CSMD2: variants seen among roughly 807,000 people sequenced by gnomAD.
CSMD2 encodes CUB and sushi domain-containing protein 2.
Under a neutral mutation model 398.5 loss-of-function variants are expected in CSMD2, and 130 were observed. That is an observed-to-expected ratio of 0.33 (90% CI 0.28 to 0.38). The LOEUF (loss-of-function observed/expected upper bound fraction) is 0.38. Ranked by LOEUF, CSMD2 falls within the 10% of genes least tolerant of loss-of-function variation. The probability of loss-of-function intolerance (pLI) is 1.00; values close to 1 mark genes in which losing one functional copy is unlikely to be tolerated. For missense variants in CSMD2, 3,829 were observed against 4,764.9 expected (o/e 0.80, Z 5.78); for synonymous variants, 1,828 against 1,908.5 (o/e 0.96, Z 1.10).
At chr1:33,903,623 CCTA>C (rs1360402907) in intron 5 of CSMD2, among the ~76,000 whole-genome samples, 2 of 152,152 alleles carry the variant, frequency 1.3e-5, no homozygotes, top group African/African-American at 4.8e-5. Context: ...ACCTTGGATA[CCTA>C]CTAAGTGCCA....
At chr1:33,700,747 A>G in intron 22 of CSMD2, 74 bp from the exon 23 acceptor site, 1 of 1,469,656 alleles carries the variant, frequency 6.8e-7, no homozygotes, top group Admixed American at 1.7e-5. Context: ...CTTACCCCAC[A>G]ACCCACACTC....
chr1:33,999,777 T>C (rs1309416079), intron 3 of CSMD2, among the ~76,000 whole-genome samples: 1 of 152,076 alleles, frequency 6.6e-6, no homozygotes, highest in African/African-American at 2.4e-5. Flanking sequence ...TGAGGATAAC[T>C]GGACATACAC....
At position 33,918,102 on chromosome 1, in the gene CSMD2, G is replaced by A; in HGVS notation, c.912C>T (p.Ser304=). 1 of 1,613,618 alleles carries A rather than the reference G, an allele frequency of 6.2e-7. No individual in the cohort carries two copies. The highest frequency in any genetic ancestry group is 8.5e-7 in the Non-Finnish European group (1 of 1,179,888). ...DFLEVTGTEG[S]SLWFTGASLP... ...GGTGATGTTGTGCTTACCAGAGGGA[G>A]GAGCCTTCTGTCCCAGTGACTTCCA... Residue 304 remains serine (S), a synonymous_variant, in exon 5 of 71, where the codon TCC becomes TCT. Coordinates refer to ENST00000373381, the MANE Select transcript of CSMD2 (RefSeq NM_001281956.2).
In CSMD2 at chr1:33,911,558, T is replaced by C. The variant is rs369821870; in HGVS notation, c.920+6536A>G. ...ACCTACAAAAACAAAAGCAAATGAA[T>C]GAAGGGAATGAAGTGAAGCAAATCC... On this transcript the variant is annotated intron_variant, in intron 5 of 70. Transcript: ENST00000373381. Among the ~76,000 whole-genome samples the C allele has an allele frequency of 6.8e-4, 104 of 152,110 alleles. 2 individuals are homozygous for C. The South Asian group carries it at 0.017, about 25-fold the overall frequency.
At chr1:33,582,701 T>C (rs1198832189) in intron 47 of CSMD2, among the ~76,000 whole-genome samples, 1 of 152,216 alleles carries the variant, frequency 6.6e-6, no homozygotes, top group African/African-American at 2.4e-5. Context: ...CTATCATAGC[T>C]ACTCTGCCAG....
At chr1:33,662,051 A>G (rs964191691) in intron 26 of CSMD2, among the ~76,000 whole-genome samples, 1 of 152,168 alleles carries the variant, frequency 6.6e-6, no homozygotes, top group Non-Finnish European at 1.5e-5. Flanking sequence ...ATGATGGAAG[A>G]GGCACTTCAG....
chr1:33,633,961 T>C lies in CSMD2; in HGVS notation c.5087-426A>G, dbSNP rs531014314. The stretch of plus-strand genomic sequence containing the variant: ...ACGTCAGTTAGTCAGTGTCATTGAG[T>C]TGAAAACTGTATACAGAGATCTGTA... On this transcript the variant is annotated intron_variant, in intron 31 of 70. Transcript: ENST00000373381. This position sits in a 1 kb window ranked among gnomAD's most constrained non-coding sequence, Gnocchi z 5.0. Among the ~76,000 whole-genome samples the C allele has an allele frequency of 6.6e-6, 1 of 152,282 alleles. No homozygotes were observed. Among genetic ancestry groups the C allele is most frequent in the South Asian group, 2.1e-4 (1 of 4,824 alleles).
At chr1:33,521,334 A>C in intron 68 of CSMD2, 129 bp downstream of exon 68, 1 of 689,216 alleles carries the variant, frequency 1.5e-6, no homozygotes, top group Non-Finnish European at 2.7e-6. Flanking sequence ...GGCATCCCTG[A>C]TCCCAAAGAG....
intron 3 of CSMD2, among the ~76,000 whole-genome samples, chr1:33,957,176 C>A (rs513336): frequency 3.3e-5 from 5 of 152,008 alleles, no homozygotes; most frequent in Admixed American, 6.5e-5. Context: ...GTCTTTCCCC[C>A]CTTTGTTTAC....
intron 15 of CSMD2, among the ~76,000 whole-genome samples, chr1:33,735,213 C>T (rs1646846891): frequency 6.6e-6 from 1 of 152,136 alleles, no homozygotes; most frequent in Admixed American, 6.5e-5. Context: ...AATTCTGGCT[C>T]CATCATTTAC....
chr1:34,154,221 G>T (rs1571286267), intron 1 of CSMD2, among the ~76,000 whole-genome samples: 1 of 152,268 alleles, frequency 6.6e-6, no homozygotes, highest in East Asian at 1.9e-4. Flanking sequence ...TGGCAAAATT[G>T]GACAGGTGGC....
chr1:33,761,663 A>C (rs1446257258), intron 13 of CSMD2, among the ~76,000 whole-genome samples: 1 of 152,202 alleles, frequency 6.6e-6, no homozygotes, highest in Non-Finnish European at 1.5e-5. Flanking sequence ...AGAGAGCTCC[A>C]TCATGCATTC....
chr1:34,032,635 T>A lies in CSMD2; in HGVS notation c.476A>T (p.Asp159Val). The A allele has an allele frequency of 6.2e-7, 1 of 1,601,970 alleles. No individual in the cohort carries two copies. Among genetic ancestry groups the A allele is most frequent in the Non-Finnish European group, 8.5e-7 (1 of 1,174,572 alleles). The change falls in exon 3 of 71, where the codon GAC becomes GTC. Residue 159 changes from aspartate to valine, a missense_variant. By Grantham distance (152) the Asp-to-Val change is radical (BLOSUM62 -3). Around this residue, in one of 5 missense-constraint regions of CSMD2, gnomAD observed 184 missense variants for 217.7 expected, o/e 0.85. Transcript: ENST00000373381. ...ATTLSLRLIS[D>V]YAVSAQGFHA... ...GAAGCCTTGGGCACTGACTGCATAG[T>A]CGCTGATGAGGCGCAGAGAGAGGGT...
Position 33,657,956 on chromosome 1 carries a change from T to G in CSMD2, c.4437A>C (p.Pro1479=). The part of the protein sequence containing the change: ...ENRFFWQPSP[P]TCIAPCGGDL... ...GCAGCTGCTTTGTACCGATGCATGT[T>G]GGCGGGCTGGGCTGCCAGAAGAACC... The change falls in exon 27 of 71, where the codon CCA becomes CCC. Residue 1479 remains proline, a synonymous_variant. Transcript: ENST00000373381. 1 of 1,613,654 alleles carries G rather than the reference T, an allele frequency of 6.2e-7. No homozygotes were observed. Among genetic ancestry groups the G allele is most frequent in the Non-Finnish European group, 8.5e-7 (1 of 1,179,624 alleles).
chr1:34,039,222 G>A (rs766561395), intron 2 of CSMD2, among the ~76,000 whole-genome samples: 4 of 152,158 alleles, frequency 2.6e-5, no homozygotes, highest in Non-Finnish European at 4.4e-5. Context: ...GCCTGGCCAT[G>A]ACACCAGCTT....
intron 3 of CSMD2, among the ~76,000 whole-genome samples, chr1:33,996,666 A>T (rs1646736533): frequency 6.6e-6 from 1 of 152,126 alleles, no homozygotes; most frequent in Non-Finnish European, 1.5e-5. Flanking sequence ...CCTCTCCTGG[A>T]AGATCAAATT....
chr1:33,787,115 C>T (rs1435994171), intron 12 of CSMD2, among the ~76,000 whole-genome samples: 2 of 152,170 alleles, frequency 1.3e-5, no homozygotes, highest in African/African-American at 4.8e-5. Context: ...TGGAGTGATG[C>T]AGCTACAGCC....
intron 17 of CSMD2, among the ~76,000 whole-genome samples, 189 bp downstream of exon 17, chr1:33,725,160 G>A (rs1172123495): frequency 6.6e-6 from 1 of 152,214 alleles, no homozygotes; most frequent in Non-Finnish European, 1.5e-5. Flanking sequence ...ACAACTCTAA[G>A]CTCCCATGAC....
intron 5 of CSMD2, among the ~76,000 whole-genome samples, chr1:33,848,918 C>T (rs16835990): frequency 0.13 from 20,182 of 149,958 alleles, 1,692 homozygotes; most frequent in South Asian, 0.31. Flanking sequence ...CTGAATAATT[C>T]AGGACCAAAA....
Sources: allele counts gnomAD v4.1 joint callset (sites outside exome capture counted in the v4.1 genomes callset), GRCh38; gene constraint gnomAD v4.1.1; regional missense constraint gnomAD v4.1.1; non-coding constraint Gnocchi (gnomAD v3.1); transcripts MANE v1.5; gene names NCBI Gene and HGNC (gene_info 2026-07-23, HGNC 2026-07-21).